MAP4: variants seen among roughly 807,000 people sequenced by gnomAD.
MAP4 encodes the protein microtubule-associated protein 4.
A neutral mutation model predicts 170.2 loss-of-function variants in MAP4; 76 were observed. That is an observed-to-expected ratio of 0.45 (90% CI 0.37 to 0.54). MAP4 has a LOEUF of 0.54. Ranked by LOEUF, MAP4 falls within the 20% of genes least tolerant of loss-of-function variation. The probability of loss-of-function intolerance (pLI) is 0.00; values close to 1 mark genes in which losing one functional copy is unlikely to be tolerated. For synonymous variants in MAP4, 909 were observed against 994.5 expected, an observed-to-expected ratio of 0.91 and a Z score of 1.62; for missense variants, 2,506 against 2,748.0, an observed-to-expected ratio of 0.91 and a Z score of 1.97.
intron 1 of MAP4, among the ~76,000 whole-genome samples, chr3:48,028,633 C>A (rs1411924240): frequency 2.0e-5 from 3 of 151,406 alleles, no homozygotes; most frequent in Non-Finnish European, 4.4e-5. Context: ...ATTAGCTGGG[C>A]ATGGTGGCCG....
In MAP4 at chr3:48,043,321, G is replaced by C. The variant is rs566235543; in HGVS notation, c.-19-44442C>G. Among the ~76,000 whole-genome samples, 3 of 152,170 alleles carry C rather than the reference G, an allele frequency of 2.0e-5. No homozygotes were observed. The East Asian group carries it at 5.8e-4, about 29-fold the overall frequency. On this transcript the variant is annotated intron_variant, in intron 1 of 18. Transcript: ENST00000360240. ...TTGCCATGTTGGTCAGGCTGGTCTC[G>C]AACTCCTGGCCTCAAGTGATCTACC... is the stretch of plus-strand genomic sequence containing the variant.
chr3:47,951,690 C>T (rs1382229137), intron 3 of MAP4, among the ~76,000 whole-genome samples: 3 of 152,084 alleles, frequency 2.0e-5, no homozygotes, highest in Admixed American at 6.5e-5. Context: ...GGCGTGATCT[C>T]GGCTCGCTAC....
intron 3 of MAP4, among the ~76,000 whole-genome samples, chr3:47,969,859 CAAA>C (rs1191663864): frequency 9.8e-6 from 1 of 101,560 alleles, no homozygotes. Flanking sequence ...GACTCTGTCT[CAAA>C]AAAAAAAAAA....
chr3:48,053,181 G>C (rs1490475214), intron 1 of MAP4, among the ~76,000 whole-genome samples: 1 of 152,140 alleles, frequency 6.6e-6, no homozygotes, highest in African/African-American at 2.4e-5. Flanking sequence ...AATTAGACCT[G>C]ATGCATCAAT....
At chr3:48,017,198 G>A (rs1219316063), upstream of MAP4, among the ~76,000 whole-genome samples, 5 of 152,124 alleles carry the variant, frequency 3.3e-5, no homozygotes, top group Admixed American at 3.3e-4. Flanking sequence ...ACAAAGGATC[G>A]GCGAAAAGAG....
chr3:48,010,991 G>A (rs561223078), intron 1 of MAP4, among the ~76,000 whole-genome samples: 1 of 152,168 alleles, frequency 6.6e-6, no homozygotes, highest in South Asian at 2.1e-4. Flanking sequence ...CTCTCCTTTG[G>A]AGATATATCC....
chr3:47,978,934 T>C (rs2100083791), intron 2 of MAP4, among the ~76,000 whole-genome samples: 1 of 152,090 alleles, frequency 6.6e-6, no homozygotes, highest in African/African-American at 2.4e-5. Flanking sequence ...ATTCTTTATG[T>C]ATTCCAAATA....
chr3:47,967,955 A>T (rs1245017614), intron 3 of MAP4, among the ~76,000 whole-genome samples: 1 of 152,174 alleles, frequency 6.6e-6, no homozygotes, highest in Non-Finnish European at 1.5e-5. Context: ...ACCCTGCCTC[A>T]AAACAAAAAA....
rs1269589193 is a variant in MAP4, at chr3:47,852,923, GC to G, written c.*10del. 1 of 1,612,238 alleles carries G rather than the reference GC, an allele frequency of 6.2e-7. No homozygotes were observed. The highest frequency in any genetic ancestry group is 2.2e-5 in the East Asian group (1 of 44,818). On this transcript the variant is annotated 3_prime_UTR_variant, in exon 21 of 21. Coordinates refer to ENST00000683076, the MANE Select transcript of MAP4 (RefSeq NM_001385682.1). ...GCCCTGGCATTTGCCCGGAACGTCAGCCTGTAGGTCTCAATCTGCAGTGACA... is the reference window on the plus strand; with the variant it reads ...GCCCTGGCATTTGCCCGGAACGTCAGCTGTAGGTCTCAATCTGCAGTGACA...
At chr3:47,877,759 C>G (rs1413898778) in intron 10 of MAP4, 5 of 309,776 alleles carry the variant, frequency 1.6e-5, no homozygotes, top group Non-Finnish European at 3.0e-5. Flanking sequence ...CTAAGGGACA[C>G]ATGCACAAAT....
chr3:47,962,815 A>T (rs1185139765), intron 3 of MAP4, among the ~76,000 whole-genome samples: 1 of 152,256 alleles, frequency 6.6e-6, no homozygotes, highest in Non-Finnish European at 1.5e-5. Flanking sequence ...GCAGCAGCAG[A>T]AACAGCAGAA....
At chr3:47,876,401 G>A (rs1285109667) in intron 11 of MAP4, among the ~76,000 whole-genome samples, 1 of 152,146 alleles carries the variant, frequency 6.6e-6, no homozygotes, top group Non-Finnish European at 1.5e-5. Flanking sequence ...AAGGTGCTGG[G>A]ATTACAGGCG....
intron 1 of MAP4, among the ~76,000 whole-genome samples, chr3:48,068,264 CAAAAAAAAAA>C (rs34691079): frequency 2.8e-5 from 3 of 106,728 alleles, no homozygotes; most frequent in Admixed American, 1.1e-4. Context: ...GATTCTGTCT[CAAAAAAAAAA>C]AAAAAAAAAG....
chr3:47,875,883 T>G lies in MAP4; in HGVS notation c.5559A>C (p.Gln1853His). ...CTTTCGATGTTGAAGTCTTTGCAGG[T>G]TGAGTGGTGGCCAAAGGCTTTAGGT... The part of the protein sequence containing the change: ...EKKTKPLATT[Q>H]PAKTSTSKAK... Residue 1853 changes from glutamine (Q) to histidine (H), a missense_variant, in exon 12 of 21, where the codon CAA becomes CAC. Coordinates refer to ENST00000683076, the MANE Select transcript of MAP4 (RefSeq NM_001385682.1). 6.2e-7 allele frequency: 1 copy of G among 1,611,178 alleles called. No individual in the cohort carries two copies. The highest frequency in any genetic ancestry group is 8.5e-7 in the Non-Finnish European group (1 of 1,179,370).
intron 3 of MAP4, among the ~76,000 whole-genome samples, chr3:47,962,640 C>T (rs2100072332): frequency 6.6e-6 from 1 of 152,000 alleles, no homozygotes; most frequent in Non-Finnish European, 1.5e-5. Flanking sequence ...CAAATATTGG[C>T]CATTAAAAAC....
intron 10 of MAP4, among the ~76,000 whole-genome samples, chr3:47,878,608 C>T (rs772317525): frequency 3.9e-5 from 6 of 152,126 alleles, no homozygotes; most frequent in African/African-American, 1.4e-4. Context: ...GCTGCGATCT[C>T]GGCTCACTGC....
chr3:47,942,571 G>A lies in MAP4; in HGVS notation c.293-14221C>T, dbSNP rs566748339. On this transcript the variant is annotated intron_variant, in intron 3 of 20. Transcript: ENST00000683076. ...CCACTGTGCCCTGACAATCACCACT[G>A]TTTTTGTTTTTTGTTTTTTGCTTTT... is the stretch of plus-strand genomic sequence containing the variant. Among the ~76,000 whole-genome samples, 3 of 152,050 alleles carry A rather than the reference G, an allele frequency of 2.0e-5. No homozygotes were observed. The East Asian group carries it at 5.8e-4, about 29-fold the overall frequency.
At chr3:48,011,129 CAT>C (rs2100105034) in intron 1 of MAP4, among the ~76,000 whole-genome samples, 1 of 152,194 alleles carries the variant, frequency 6.6e-6, no homozygotes, top group Non-Finnish European at 1.5e-5. Context: ...CAGCAAATGC[CAT>C]CTCACACTAC....
intron 1 of MAP4, among the ~76,000 whole-genome samples, chr3:48,006,494 T>C (rs1055835041): frequency 1.3e-5 from 2 of 152,110 alleles, no homozygotes; most frequent in African/African-American, 4.8e-5. Flanking sequence ...CATCCTGTGG[T>C]CATTACCCCA....
Sources: gnomAD v4.1 joint callset for allele counts (sites outside exome capture counted in the v4.1 genomes callset) on GRCh38, gnomAD v4.1.1 for gene constraint, MANE v1.5 for transcripts, NCBI Gene and HGNC (gene_info 2026-07-23, HGNC 2026-07-21) for gene names.